The following CDH12 variants were observed in gnomAD, a reference collection of about 807,000 sequenced individuals.
CDH12 encodes cadherin-12.
CDH12 carries 41 observed loss-of-function variants against 74.1 expected under a neutral mutation model. The ratio of observed to expected loss-of-function variants is 0.55; its 90% CI spans 0.43 to 0.72. The LOEUF is 0.72. CDH12 is among the 30% of genes least tolerant of loss of function. CDH12 has a pLI of 0.00. For missense variants in CDH12, 945 were observed against 977.2 expected, an observed-to-expected ratio of 0.97 and a Z score of 0.44; for synonymous variants, 399 against 355.0, an observed-to-expected ratio of 1.12 and a Z score of -1.39.
At chr5:22,446,189 C>A (rs1744808972) in intron 2 of CDH12, among the ~76,000 whole-genome samples, 1 of 152,074 alleles carries the variant, frequency 6.6e-6, no homozygotes, top group Non-Finnish European at 1.5e-5. Context: ...TCAGGAGACA[C>A]ATGTCAGTTC....
intron 1 of CDH12, among the ~76,000 whole-genome samples, chr5:22,659,671 T>TC (rs112615078): frequency 1.3e-5 from 2 of 152,048 alleles, no homozygotes; most frequent in Middle Eastern, 3.2e-3. Flanking sequence ...TATCATAGTT[T>TC]TTTTCTCTCT....
intron 1 of CDH12, among the ~76,000 whole-genome samples, chr5:22,597,954 G>A (rs925952218): frequency 1.3e-5 from 2 of 152,122 alleles, no homozygotes. Context: ...AATATTTGAT[G>A]AGTTAATTGA....
At chr5:21,895,342 T>C (rs974916644) in intron 6 of CDH12, among the ~76,000 whole-genome samples, 3 of 152,178 alleles carry the variant, frequency 2.0e-5, no homozygotes, top group Non-Finnish European at 4.4e-5. Context: ...AGATTCCACA[T>C]GGGAAGATAC....
At chr5:22,528,807 C>T (rs904602106) in intron 1 of CDH12, among the ~76,000 whole-genome samples, 2 of 151,898 alleles carry the variant, frequency 1.3e-5, no homozygotes, top group Non-Finnish European at 2.9e-5. Flanking sequence ...ATCTTTATTG[C>T]CAGAGAACAC....
intron 1 of CDH12, among the ~76,000 whole-genome samples, chr5:22,586,415 C>T (rs1740403996): frequency 6.6e-6 from 1 of 151,420 alleles, no homozygotes; most frequent in South Asian, 2.1e-4. Context: ...TGCAGCACAC[C>T]AACATGGCAC....
At chr5:21,878,053 A>G (rs1334522738) in intron 6 of CDH12, among the ~76,000 whole-genome samples, 1 of 152,240 alleles carries the variant, frequency 6.6e-6, no homozygotes, top group African/African-American at 2.4e-5. Flanking sequence ...ATGAATCCAG[A>G]TAAGTAATGA....
intron 1 of CDH12, among the ~76,000 whole-genome samples, chr5:22,572,534 A>C (rs1739592025): frequency 6.6e-6 from 1 of 151,934 alleles, no homozygotes; most frequent in Non-Finnish European, 1.5e-5. Flanking sequence ...TTTTTCAGAC[A>C]GTAAGAAGGT....
chr5:21,961,147 A>C (rs77995338), intron 6 of CDH12, among the ~76,000 whole-genome samples: 1 of 152,116 alleles, frequency 6.6e-6, no homozygotes, highest in Non-Finnish European at 1.5e-5. Context: ...AAAATCTTCA[A>C]CTATGACTGA....
intron 3 of CDH12, among the ~76,000 whole-genome samples, chr5:22,228,044 G>T (rs1752254307): frequency 6.6e-6 from 1 of 152,018 alleles, no homozygotes; most frequent in Non-Finnish European, 1.5e-5. Context: ...TGGGATAAGT[G>T]ATTTCACTTC....
At chr5:21,994,331 G>A (rs1466871392) in intron 5 of CDH12, among the ~76,000 whole-genome samples, 1 of 151,974 alleles carries the variant, frequency 6.6e-6, no homozygotes, top group African/African-American at 2.4e-5. Context: ...AAGGAGTTCT[G>A]ACAACATCAT....
chr5:21,930,568 C>T (rs770104397), intron 6 of CDH12, among the ~76,000 whole-genome samples: 6 of 152,100 alleles, frequency 3.9e-5, no homozygotes, highest in African/African-American at 7.2e-5. Flanking sequence ...GAAAATTTAG[C>T]GCACTGTCTG....
At chr5:22,275,762 A>G (rs1031098784) in intron 3 of CDH12, among the ~76,000 whole-genome samples, 1 of 152,186 alleles carries the variant, frequency 6.6e-6, no homozygotes, top group African/African-American at 2.4e-5. Flanking sequence ...GTCATAGAAA[A>G]CTATACATAT....
intron 1 of CDH12, among the ~76,000 whole-genome samples, chr5:22,614,503 G>A (rs1737587064): frequency 3.0e-5 from 1 of 33,694 alleles, no homozygotes; most frequent in African/African-American, 1.3e-4. Context: ...GTCGTAAGGT[G>A]CTCATGTGGA....
intron 3 of CDH12, among the ~76,000 whole-genome samples, chr5:22,355,018 G>A (rs1239625385): frequency 6.6e-6 from 1 of 152,032 alleles, no homozygotes; most frequent in Non-Finnish European, 1.5e-5. Flanking sequence ...GCCTTCTCAG[G>A]ATAATTGCCT....
intron 3 of CDH12, among the ~76,000 whole-genome samples, chr5:22,240,927 A>G (rs921992019): frequency 6.6e-6 from 1 of 152,160 alleles, no homozygotes; most frequent in Non-Finnish European, 1.5e-5. Context: ...AAGACAGAGG[A>G]GAAAAGTAAA....
chr5:22,001,434 C>A (rs1334383423), intron 5 of CDH12, among the ~76,000 whole-genome samples: 1 of 152,222 alleles, frequency 6.6e-6, no homozygotes, highest in East Asian at 1.9e-4. Context: ...CTCCATTTCA[C>A]CTTATGCAGT....
intron 4 of CDH12, among the ~76,000 whole-genome samples, chr5:22,199,184 C>G (rs2150353118): frequency 6.6e-6 from 1 of 152,172 alleles, no homozygotes; most frequent in East Asian, 1.9e-4. Context: ...TTTAACTTTA[C>G]TGGTTCTTTT....
chr5:22,149,694 G>C (rs1401510694), intron 4 of CDH12, among the ~76,000 whole-genome samples: 1 of 152,200 alleles, frequency 6.6e-6, no homozygotes, highest in African/African-American at 2.4e-5. Flanking sequence ...GAAAAACTTT[G>C]ACTCATGTTT....
At chr5:22,691,547 G>A (rs1430059889) in intron 1 of CDH12, among the ~76,000 whole-genome samples, 9 of 152,162 alleles carry the variant, frequency 5.9e-5, no homozygotes, top group Non-Finnish European at 1.0e-4. Flanking sequence ...AACTTTTAAT[G>A]TAATGATTTC....
Sources: allele counts gnomAD v4.1 joint callset (sites outside exome capture counted in the v4.1 genomes callset), GRCh38; gene constraint gnomAD v4.1.1; transcripts MANE v1.5; gene names NCBI Gene and HGNC (gene_info 2026-07-23, HGNC 2026-07-21).